The following SIM1 variants were observed in gnomAD, a reference collection of about 807,000 sequenced individuals.
The protein encoded by SIM1 is SIM bHLH transcription factor 1.
SIM1 carries 18 observed loss-of-function variants against 78.2 expected under a neutral mutation model. The observed-to-expected ratio is 0.23, with a 90% confidence interval of 0.16 to 0.34. The LOEUF is 0.34. Ranked by LOEUF, SIM1 falls within the 10% of genes least tolerant of loss-of-function variation. The probability of loss-of-function intolerance (pLI) is 1.00; values close to 1 mark genes in which losing one functional copy is unlikely to be tolerated. For missense variants in SIM1, 939 were observed against 975.1 expected (o/e 0.96, Z 0.49); for synonymous variants, 417 against 385.2 (o/e 1.08, Z -0.97).
At position 100,461,094 on chromosome 6, in the gene SIM1, G is replaced by A. The variant is rs568784634; in HGVS notation, c.175+2200C>T. On this transcript the variant is annotated intron_variant, in intron 2 of 11. Transcript: ENST00000369208. ...GGTCCGGGGCTCGGGGGAAGGTGAG[G>A]GGGCTGCAGAAAGCACAGTCACTGT... Among the ~76,000 whole-genome samples the A allele has an allele frequency of 1.7e-3, 263 of 152,164 alleles. 2 individuals are homozygous for A. Among genetic ancestry groups the A allele is most frequent in the Non-Finnish European group, 3.3e-3 (222 of 67,986 alleles).
At chr6:100,408,954 T>C (rs1383513911) in intron 10 of SIM1, among the ~76,000 whole-genome samples, 1 of 152,112 alleles carries the variant, frequency 6.6e-6, no homozygotes, top group Non-Finnish European at 1.5e-5. Context: ...TCTTCTTCAA[T>C]TTTTTGGAAG....
Position 100,420,812 on chromosome 6 carries a change from G to T in SIM1, c.1145C>A (p.Ser382Tyr). The change falls in exon 10 of 12, where the codon TCC (serine) becomes TAC (tyrosine). Residue 382 changes from serine to tyrosine, a missense_variant. By Grantham distance (144) the Ser-to-Tyr change is moderately radical. Transcript: ENST00000369208. ...TACCTGAGGGTATGGGGAAGTCCTGGATTTTGACTTTGAGCTGGAGAGCCG... is the reference window on the plus strand; with the variant it reads ...TACCTGAGGGTATGGGGAAGTCCTGTATTTTGACTTTGAGCTGGAGAGCCG... ...KSRLSSSKSK[S>Y]RTSPYPQYSG... The T allele has an allele frequency of 3.7e-6, 6 of 1,614,146 alleles. No homozygotes were observed. Among genetic ancestry groups the T allele is most frequent in the Non-Finnish European group, 5.1e-6 (6 of 1,180,028 alleles).
chr6:100,405,964 C>G (rs1004130727), intron 10 of SIM1, among the ~76,000 whole-genome samples: 2 of 152,152 alleles, frequency 1.3e-5, no homozygotes, highest in African/African-American at 4.8e-5. Context: ...CAATCCATCC[C>G]TTTTGTAAAT....
rs1770611537 is a variant in SIM1 at position 100,390,585 on chromosome 6, T to C, written c.2077A>G (p.Thr693Ala). ...GAGCCAAAGCAGTTTGGAGAGACAG[T>C]AGGGTGGTCTCCTGCTGTCTGATGA... ...SPHQTAGDHP[T>A]VSPNCFGSHR... The change falls in exon 12 of 12, where the codon ACT becomes GCT. Residue 693 changes from threonine (T) to alanine (A), a missense_variant. Around this residue, in one of 5 missense-constraint regions of SIM1, gnomAD observed 556 missense variants for 521.9 expected, o/e 1.07. Transcript: ENST00000369208. 6.2e-7 allele frequency: 1 copy of C among 1,614,100 alleles called. No individual in the cohort carries two copies. Among genetic ancestry groups the C allele is most frequent in the African/African-American group, 1.3e-5 (1 of 75,030 alleles).
At chr6:100,452,736 TAGA>T (rs1772547219) in intron 3 of SIM1, among the ~76,000 whole-genome samples, 1 of 152,228 alleles carries the variant, frequency 6.6e-6, no homozygotes, top group African/African-American at 2.4e-5. Context: ...GGAAATCTGA[TAGA>T]AGATGTCTTA....
chr6:100,419,856 G>A (rs1771519582), intron 10 of SIM1, among the ~76,000 whole-genome samples: 1 of 152,198 alleles, frequency 6.6e-6, no homozygotes, highest in African/African-American at 2.4e-5. Context: ...TGGCCAGGCT[G>A]GTCTTGAACT....
intron 9 of SIM1, among the ~76,000 whole-genome samples, chr6:100,434,265 C>T (rs1311636949): frequency 6.6e-6 from 1 of 152,202 alleles, no homozygotes; most frequent in Non-Finnish European, 1.5e-5. Flanking sequence ...TGTAACCCTG[C>T]AAGGGTCCAT....
intron 10 of SIM1, among the ~76,000 whole-genome samples, chr6:100,414,561 C>G (rs1771351365): frequency 6.6e-6 from 1 of 152,140 alleles, no homozygotes; most frequent in South Asian, 2.1e-4. Context: ...TATCCATGAA[C>G]AGGAAATACA....
chr6:100,428,528 T>G (rs552249479), intron 9 of SIM1, among the ~76,000 whole-genome samples: 18 of 152,084 alleles, frequency 1.2e-4, no homozygotes, highest in Non-Finnish European at 2.4e-4. Flanking sequence ...AGCAAAAAAT[T>G]TTAAATGACA....
intron 9 of SIM1, among the ~76,000 whole-genome samples, chr6:100,431,212 A>G (rs1392346744): frequency 6.6e-6 from 1 of 152,220 alleles, no homozygotes; most frequent in African/African-American, 2.4e-5. Flanking sequence ...AATATTTTAA[A>G]ATATGTCCTA....
At position 100,459,911 on chromosome 6, in the gene SIM1, C is replaced by T. The variant is rs74635155; in HGVS notation, c.175+3383G>A. Among the ~76,000 whole-genome samples, 52 of 152,272 alleles carry T rather than the reference C, an allele frequency of 3.4e-4. 1 individual carries two copies. The East Asian group carries it at 0.01, about 29-fold the overall frequency. ...TATTTTGCACACAAATAAAGTCATG[C>T]TATTTTTTAGATCCTGCCCCTCTGG... On this transcript the variant is annotated intron_variant, in intron 2 of 11. Transcript: ENST00000369208.
At chr6:100,447,841 C>T (rs1045545274) in intron 8 of SIM1, among the ~76,000 whole-genome samples, 1 of 152,238 alleles carries the variant, frequency 6.6e-6, no homozygotes, top group African/African-American at 2.4e-5. Context: ...GGTTTTTGTT[C>T]ATCTTTAGTG....
intron 9 of SIM1, among the ~76,000 whole-genome samples, chr6:100,426,023 G>A (rs1771717907): frequency 6.6e-6 from 1 of 152,222 alleles, no homozygotes; most frequent in Non-Finnish European, 1.5e-5. Context: ...CTCAAGGGCA[G>A]TTCATGCTGT....
intron 10 of SIM1, among the ~76,000 whole-genome samples, chr6:100,414,000 A>G (rs1771333808): frequency 6.6e-6 from 1 of 152,222 alleles, no homozygotes; most frequent in Non-Finnish European, 1.5e-5. Context: ...ACTATAACCT[A>G]TTTGAAATAA....
chr6:100,430,001 G>A (rs1272980458), intron 9 of SIM1, among the ~76,000 whole-genome samples: 2 of 152,004 alleles, frequency 1.3e-5, no homozygotes, highest in Non-Finnish European at 2.9e-5. Flanking sequence ...ATCTGTCTCT[G>A]AAGCCTTTCA....
chr6:100,420,928 G>A lies in SIM1; in HGVS notation c.1029C>T (p.Ser343=). Residue 343 remains serine (S), a synonymous_variant, in exon 10 of 12, where the codon TCC becomes TCT. Coordinates refer to ENST00000369208, the MANE Select transcript of SIM1 (RefSeq NM_005068.3). ...GTTTGGAGGCTGAGATCTGATCCAG[G>A]GAGAGCTGCAGCCCTTTGTATTCTG... ...TDTEYKGLQL[S]LDQISASKPA... is the part of the protein sequence containing the mutation. 6.2e-7 allele frequency: 1 copy of A among 1,613,834 alleles called. No individual in the cohort carries two copies. Among genetic ancestry groups the A allele is most frequent in the Non-Finnish European group, 8.5e-7 (1 of 1,179,940 alleles).
At chr6:100,450,497 A>G in intron 3 of SIM1, 141 bp from the exon 4 acceptor site, 1 of 677,524 alleles carries the variant, frequency 1.5e-6, no homozygotes, top group African/African-American at 1.8e-5. Flanking sequence ...CAGGGCATAG[A>G]AAACTAGCCA....
At chr6:100,455,111 A>G (rs1772612986) in intron 2 of SIM1, among the ~76,000 whole-genome samples, 2 of 152,178 alleles carry the variant, frequency 1.3e-5, no homozygotes, top group Admixed American at 1.3e-4. Context: ...GGATTTTTTA[A>G]AAGGTGTTGG....
intron 1 of SIM1, 118 bp from the exon 2 acceptor site, chr6:100,464,053 T>G (rs898658734): frequency 1.3e-5 from 2 of 152,152 alleles, no homozygotes; most frequent in African/African-American, 4.8e-5. Context: ...CCAGGCGTTT[T>G]GGGTTTGTTT....
Sources: allele counts gnomAD v4.1 joint callset (sites outside exome capture counted in the v4.1 genomes callset), GRCh38; gene constraint gnomAD v4.1.1; regional missense constraint gnomAD v4.1.1; transcripts MANE v1.5; gene names NCBI Gene and HGNC (gene_info 2026-07-23, HGNC 2026-07-21).